The following KYNU variants were observed in gnomAD, a reference collection of about 807,000 sequenced individuals.
KYNU encodes L-kynurenine hydrolase.
KYNU carries 54 observed loss-of-function variants against 59.2 expected under a neutral mutation model. That is an observed-to-expected ratio of 0.91 (90% CI 0.73 to 1.14). The LOEUF (loss-of-function observed/expected upper bound fraction) is 1.14. Among genes scored for constraint, KYNU ranks in the 50% most tolerant of loss-of-function variants. The probability of loss-of-function intolerance (pLI) is 0.00; values close to 1 mark genes in which losing one functional copy is unlikely to be tolerated. For missense variants in KYNU, 567 were observed against 554.4 expected, an observed-to-expected ratio of 1.02 and a Z score of -0.23; for synonymous variants, 177 against 192.0, an observed-to-expected ratio of 0.92 and a Z score of 0.65.
At chr2:143,022,587 C>A (rs1288461735) in intron 10 of KYNU, among the ~76,000 whole-genome samples, 1 of 151,932 alleles carries the variant, frequency 6.6e-6, no homozygotes, top group East Asian at 1.9e-4. Context: ...GTTTAAATAG[C>A]ATTGGAATTA....
At chr2:142,896,527 T>A (rs11888124) in intron 2 of KYNU, among the ~76,000 whole-genome samples, 58,470 of 151,946 alleles carry the variant, frequency 0.38, 11,401 homozygotes, top group South Asian at 0.56. Flanking sequence ...TTTGGGGATT[T>A]TGGAGCTTTT....
rs1242798345 is a variant in KYNU, at chr2:143,048,387, TCAAA to T, written c.*6218_*6221del. The T allele has an allele frequency of 6.6e-6, 1 of 152,176 alleles. No homozygotes were observed. The highest frequency in any genetic ancestry group is 2.4e-5 in the African/African-American group (1 of 41,450). The allele number at this position is 152,176 out of a possible 1,614,324, so 9.4% of individuals were successfully genotyped here. ...TTGAAGAAATGAGAATGCTTTAACA[TCAAA>T]CAGCCAACTCTTTACTTATACACTA... On this transcript the variant is annotated 3_prime_UTR_variant, in exon 14 of 14. Transcript: ENST00000264170.
rs1687169665 is a variant in KYNU at position 143,046,690 on chromosome 2, G to A, written c.*4518G>A. On this transcript the variant is annotated 3_prime_UTR_variant, in exon 14 of 14. Coordinates refer to ENST00000264170, the MANE Select transcript of KYNU (RefSeq NM_003937.3). ...TCACTTCCTTAATTACTACAACATA[G>A]CAGGGCCTGGCATCTGCTAGATTAA... 6.6e-6 allele frequency: 1 copy of A among 151,920 alleles called. No homozygotes were observed. The highest frequency in any genetic ancestry group is 1.5e-5 in the Non-Finnish European group (1 of 67,982). The allele number at this position is 151,920 out of a possible 1,614,324, so 9.4% of individuals were successfully genotyped here.
At chr2:142,904,908 G>T (rs1384613255) in intron 2 of KYNU, among the ~76,000 whole-genome samples, 1 of 152,170 alleles carries the variant, frequency 6.6e-6, no homozygotes, top group Non-Finnish European at 1.5e-5. Flanking sequence ...CTGGATTCTA[G>T]TGGTCCTTTA....
rs1016244109 is a variant in KYNU, at chr2:143,044,628, C to T, written c.*2456C>T. ...ATATATTTGTTGGCCGCATAAATGT[C>T]TTCTTTTGAGAAGTGTCTGTTCGTA... is the stretch of plus-strand genomic sequence containing the variant. On this transcript the variant is annotated 3_prime_UTR_variant, in exon 14 of 14. Coordinates refer to ENST00000264170, the MANE Select transcript of KYNU (RefSeq NM_003937.3). 2 of 152,040 alleles carry T rather than the reference C, an allele frequency of 1.3e-5. No homozygotes were observed. The highest frequency in any genetic ancestry group is 2.9e-5 in the Non-Finnish European group (2 of 68,020). 9.4% of individuals were successfully genotyped at this position (152,040 alleles called of 1,614,324 possible).
intron 1 of KYNU, among the ~76,000 whole-genome samples, chr2:142,883,908 A>G (rs10207390): frequency 0.36 from 54,830 of 152,152 alleles, 10,174 homozygotes; most frequent in South Asian, 0.55. Flanking sequence ...TAGGTACCAA[A>G]TAAATACTTG....
At chr2:142,897,563 A>T (rs1378239151) in intron 2 of KYNU, among the ~76,000 whole-genome samples, 1 of 152,254 alleles carries the variant, frequency 6.6e-6, no homozygotes, top group South Asian at 2.1e-4. Context: ...AGCACAAATG[A>T]AACAAACACA....
intron 4 of KYNU, among the ~76,000 whole-genome samples, chr2:142,950,291 C>T (rs1019007796): frequency 3.3e-5 from 5 of 152,184 alleles, no homozygotes; most frequent in Non-Finnish European, 7.3e-5. Flanking sequence ...TTTTGGATAT[C>T]TTTTCAGCAA....
chr2:143,012,261 C>T (rs1686127970), intron 10 of KYNU, among the ~76,000 whole-genome samples: 1 of 151,906 alleles, frequency 6.6e-6, no homozygotes, highest in Admixed American at 6.6e-5. Flanking sequence ...GCGGGTGGAT[C>T]ACCTGAGGTC....
intron 8 of KYNU, among the ~76,000 whole-genome samples, chr2:142,979,703 G>A (rs556875826): frequency 4.9e-4 from 75 of 152,104 alleles, no homozygotes; most frequent in Non-Finnish European, 8.5e-4. Context: ...ATACCAGCAC[G>A]CTGGGAGGCC....
intron 12 of KYNU, among the ~76,000 whole-genome samples, chr2:143,036,104 C>T (rs752958133): frequency 8.6e-5 from 13 of 151,922 alleles, no homozygotes; most frequent in African/African-American, 1.7e-4. Flanking sequence ...ATGTTGTCCA[C>T]GTTAATCTGG....
At chr2:142,969,952 G>A (rs1684667051) in intron 8 of KYNU, among the ~76,000 whole-genome samples, 1 of 152,066 alleles carries the variant, frequency 6.6e-6, no homozygotes, top group Non-Finnish European at 1.5e-5. Flanking sequence ...TTAAGTCTTT[G>A]TTAAACTGAA....
At chr2:143,038,834 C>T (rs1046886867) in intron 12 of KYNU, among the ~76,000 whole-genome samples, 2 of 152,150 alleles carry the variant, frequency 1.3e-5, no homozygotes, top group African/African-American at 4.8e-5. Flanking sequence ...TAACTGTTTT[C>T]ATAGACTTGA....
At chr2:142,894,368 G>C (rs573813405) in intron 2 of KYNU, among the ~76,000 whole-genome samples, 72 of 152,030 alleles carry the variant, frequency 4.7e-4, no homozygotes, top group Non-Finnish European at 7.9e-4. Flanking sequence ...TGCACCACCA[G>C]GAAATTTAAT....
At chr2:143,005,072 T>G (rs753832544) in intron 10 of KYNU, among the ~76,000 whole-genome samples, 2 of 152,196 alleles carry the variant, frequency 1.3e-5, no homozygotes, top group Non-Finnish European at 2.9e-5. Context: ...TCATCCAGAC[T>G]CTAGGGATAT....
intron 2 of KYNU, among the ~76,000 whole-genome samples, chr2:142,893,475 C>T (rs1681774674): frequency 1.3e-5 from 2 of 152,226 alleles, no homozygotes; most frequent in African/African-American, 4.8e-5. Context: ...GAATGACAGG[C>T]AGGGAAACTA....
At chr2:143,007,361 C>A (rs202218623) in intron 10 of KYNU, among the ~76,000 whole-genome samples, 15,760 of 143,834 alleles carry the variant, frequency 0.11, 1,004 homozygotes, top group East Asian at 0.22. Context: ...TAGAGAAAAA[C>A]GAATAAAAAG....
chr2:142,925,579 C>A (rs1683022160), intron 3 of KYNU, among the ~76,000 whole-genome samples: 4 of 152,166 alleles, frequency 2.6e-5, no homozygotes, highest in Admixed American at 2.6e-4. Context: ...TTTACTTGTA[C>A]AAATGTGGAA....
At chr2:142,938,849 A>G (rs1036503512) in intron 4 of KYNU, among the ~76,000 whole-genome samples, 85 of 152,284 alleles carry the variant, frequency 5.6e-4, no homozygotes, top group African/African-American at 2.0e-3. Flanking sequence ...GGGGCCAGGC[A>G]TAGTGGCTCA....
Sources: gnomAD v4.1 joint callset for allele counts (sites outside exome capture counted in the v4.1 genomes callset) on GRCh38, gnomAD v4.1.1 for gene constraint, MANE v1.5 for transcripts, NCBI Gene and HGNC (gene_info 2026-07-23, HGNC 2026-07-21) for gene names.